The following CDH18 variants were observed in gnomAD, a reference collection of about 807,000 sequenced individuals.
CDH18 encodes the protein cadherin 18.
CDH18 carries 31 observed loss-of-function variants against 67.9 expected under a neutral mutation model. The ratio of observed to expected loss-of-function variants is 0.46; its 90% CI spans 0.34 to 0.62. The LOEUF (loss-of-function observed/expected upper bound fraction) is 0.62. CDH18 is among the 20% of genes least tolerant of loss of function. The pLI is 0.01. For missense variants in CDH18, 890 were observed against 975.5 expected, an observed-to-expected ratio of 0.91 and a Z score of 1.17; for synonymous variants, 362 against 347.2, an observed-to-expected ratio of 1.04 and a Z score of -0.48.
At chr5:19,599,083 T>C (rs1746640638) in intron 6 of CDH18, among the ~76,000 whole-genome samples, 1 of 152,132 alleles carries the variant, frequency 6.6e-6, no homozygotes, top group Non-Finnish European at 1.5e-5. Context: ...GTGATTGTAG[T>C]GATATCATAT....
intron 1 of CDH18, among the ~76,000 whole-genome samples, chr5:20,556,721 A>AT (rs1263228460): frequency 6.6e-6 from 1 of 152,024 alleles, no homozygotes; most frequent in South Asian, 2.1e-4. Context: ...TTTGGTGACT[A>AT]TTTTTTTAGC....
intron 1 of CDH18, among the ~76,000 whole-genome samples, chr5:20,474,728 A>G (rs1186512429): frequency 6.6e-6 from 1 of 152,168 alleles, no homozygotes; most frequent in Non-Finnish European, 1.5e-5. Flanking sequence ...GGATTTTGAG[A>G]CCATTTGCCA....
At chr5:19,524,839 G>A (rs925479032) in intron 9 of CDH18, among the ~76,000 whole-genome samples, 1 of 152,014 alleles carries the variant, frequency 6.6e-6, no homozygotes, top group Non-Finnish European at 1.5e-5. Context: ...TCCGCCTCCC[G>A]GGTTCACGCC....
chr5:19,525,237 C>T (rs1445986664), intron 9 of CDH18, among the ~76,000 whole-genome samples: 1 of 152,192 alleles, frequency 6.6e-6, no homozygotes, highest in African/African-American at 2.4e-5. Flanking sequence ...CAGCTTTCCC[C>T]TGGGACTGGA....
chr5:19,543,827 G>C (rs1427968646), intron 9 of CDH18, 42 bp downstream of exon 9: 1 of 1,455,798 alleles, frequency 6.9e-7, no homozygotes, highest in Non-Finnish European at 9.3e-7. Flanking sequence ...ATGTCTTCTT[G>C]TACAAGTGAC....
Position 20,551,303 on chromosome 5 carries a change from T to C in CDH18, c.-580+24159A>G, listed in dbSNP as rs555864883. ...AAGGACGCTTGCTCACAGGTGATCT[T>C]TGGTGTTTAATCAGCTCCTGACTTT... is the stretch of plus-strand genomic sequence containing the variant. On this transcript the variant is annotated intron_variant, in intron 1 of 14. Coordinates refer to the CDH18 transcript ENST00000507958. 7.2e-4 allele frequency among the ~76,000 whole-genome samples: 110 copies of C among 152,318 alleles called. 1 individual carries two copies. Among genetic ancestry groups the C allele is most frequent in the African/African-American group, 2.6e-3 (110 of 41,588 alleles).
At chr5:20,488,673 T>TTATATATATATATATATATATATA (rs34690857) in intron 1 of CDH18, among the ~76,000 whole-genome samples, 24 of 126,964 alleles carry the variant, frequency 1.9e-4, no homozygotes, top group Non-Finnish European at 2.9e-4. Flanking sequence ...GGGTAGTGTT[T>TTATATATATATATATATATATATA]TATATATATA....
intron 1 of CDH18, among the ~76,000 whole-genome samples, chr5:20,299,415 C>G (rs1411887877): frequency 7.7e-6 from 1 of 129,184 alleles, no homozygotes; most frequent in African/African-American, 3.8e-5. Context: ...CACACACACA[C>G]ACACACACAC....
chr5:19,625,590 T>C (rs1435898308), intron 5 of CDH18, among the ~76,000 whole-genome samples: 1 of 152,350 alleles, frequency 6.6e-6, no homozygotes, highest in Non-Finnish European at 1.5e-5. Context: ...CCCTGGCTTA[T>C]CATTGGCTGT....
chr5:19,686,240 A>T (rs181769974), intron 5 of CDH18, among the ~76,000 whole-genome samples: 14 of 152,302 alleles, frequency 9.2e-5, no homozygotes, highest in African/African-American at 3.4e-4. Context: ...ATGACACTAA[A>T]AAACTTTGTA....
chr5:19,861,234 T>C (rs1282842270), intron 2 of CDH18, among the ~76,000 whole-genome samples: 4 of 152,128 alleles, frequency 2.6e-5, no homozygotes, highest in African/African-American at 9.7e-5. Flanking sequence ...AAATTAACTA[T>C]TGGACTTTAA....
chr5:20,231,553 C>T (rs911629269), intron 2 of CDH18, among the ~76,000 whole-genome samples: 4 of 151,160 alleles, frequency 2.6e-5, no homozygotes, highest in Non-Finnish European at 4.4e-5. Flanking sequence ...GAGCCAAGAT[C>T]GCACCATTGG....
At chr5:20,238,991 T>G (rs1157051554) in intron 2 of CDH18, among the ~76,000 whole-genome samples, 1 of 152,152 alleles carries the variant, frequency 6.6e-6, no homozygotes, top group Non-Finnish European at 1.5e-5. Context: ...TATGCTCCAA[T>G]TAAACTGTGG....
chr5:19,604,497 C>A (rs1373284659), intron 6 of CDH18, among the ~76,000 whole-genome samples: 2 of 150,228 alleles, frequency 1.3e-5, no homozygotes, highest in African/African-American at 4.9e-5. Flanking sequence ...TATGCAAATA[C>A]AGTTTATGCT....
intron 5 of CDH18, among the ~76,000 whole-genome samples, chr5:19,670,562 C>A (rs181775750): frequency 6.6e-6 from 1 of 151,996 alleles, no homozygotes; most frequent in Non-Finnish European, 1.5e-5. Context: ...ATAACATGAT[C>A]GATTTATATT....
intron 1 of CDH18, among the ~76,000 whole-genome samples, chr5:20,365,755 A>G (rs1742465262): frequency 6.6e-6 from 1 of 152,172 alleles, no homozygotes; most frequent in Non-Finnish European, 1.5e-5. Flanking sequence ...TCCTTTATAG[A>G]TACCTAGCCA....
intron 2 of CDH18, among the ~76,000 whole-genome samples, chr5:19,957,800 C>T (rs1561629981): frequency 6.6e-6 from 1 of 151,696 alleles, no homozygotes; most frequent in East Asian, 1.9e-4. Context: ...CAATAGAAGA[C>T]TATTTATTTT....
chr5:19,713,769 C>T (rs768458675), intron 5 of CDH18, among the ~76,000 whole-genome samples: 2 of 151,988 alleles, frequency 1.3e-5, no homozygotes, highest in African/African-American at 2.4e-5. Flanking sequence ...ACCTAATATA[C>T]CTTTTGATAT....
chr5:19,643,681 G>C (rs1754344082), intron 5 of CDH18, among the ~76,000 whole-genome samples: 1 of 152,094 alleles, frequency 6.6e-6, no homozygotes, highest in Admixed American at 6.6e-5. Context: ...TCACAGGTAG[G>C]TTGGGAGTGA....
Sources: allele counts gnomAD v4.1 joint callset (sites outside exome capture counted in the v4.1 genomes callset), GRCh38; gene constraint gnomAD v4.1.1; transcripts MANE v1.5; gene names NCBI Gene and HGNC (gene_info 2026-07-23, HGNC 2026-07-21).